The following APBA2 variants were observed in gnomAD, a reference collection of about 807,000 sequenced individuals.
APBA2 encodes the protein amyloid-beta A4 precursor protein-binding family A member 2.
APBA2 carries 30 observed loss-of-function variants against 75.0 expected under a neutral mutation model. The observed-to-expected ratio is 0.40, with a 90% CI of 0.30 to 0.54. The LOEUF (loss-of-function observed/expected upper bound fraction) is 0.54, where lower values mean the gene tolerates loss of function less well. APBA2 is among the 20% of genes least tolerant of loss of function. APBA2 has a pLI of 0.49. For missense variants in APBA2, 801 were observed against 1,016.1 expected, an observed-to-expected ratio of 0.79 and a Z score of 2.88; for synonymous variants, 444 against 409.6, an observed-to-expected ratio of 1.08 and a Z score of -1.01.
chr15:29,108,630 T>A, intron 13 of APBA2: 1 of 614,520 alleles, frequency 1.6e-6, no homozygotes, highest in Middle Eastern at 4.0e-4. Context: ...TTTCCCAGGC[T>A]CCCTTGTCCC....
Position 29,117,310 on chromosome 15 carries a change from A to ATGTC in APBA2, c.*179_*182dup, listed in dbSNP as rs1338965163. The ATGTC allele has an allele frequency of 3.2e-6, 2 of 623,908 alleles. No homozygotes were observed. Among genetic ancestry groups the ATGTC allele is most frequent in the African/African-American group, 1.8e-5 (1 of 54,304 alleles). The allele number at this position is 623,908 out of a possible 1,614,324, so 38.6% of individuals were successfully genotyped here. On this transcript the variant is annotated 3_prime_UTR_variant, in exon 15 of 15. Coordinates refer to ENST00000683413, the MANE Select transcript of APBA2 (RefSeq NM_001353788.2). ...TTTTTTCATTTTGCCAAAAAGGGGT[A>ATGTC]TGTCTTTATCAAAGGAGAGTCACAG...
intron 3 of APBA2, among the ~76,000 whole-genome samples, chr15:29,006,175 A>C (rs146259677): frequency 0.013 from 2,056 of 152,338 alleles, 21 homozygotes; most frequent in Non-Finnish European, 0.019. Context: ...GGTCTTATGC[A>C]ATATGTAGAA....
At chr15:28,929,492 A>G (rs760619459) in intron 2 of APBA2, among the ~76,000 whole-genome samples, 2 of 152,166 alleles carry the variant, frequency 1.3e-5, no homozygotes, top group African/African-American at 4.8e-5. Flanking sequence ...CTTCCCGCCT[A>G]TCACTGGGAG....
At chr15:28,948,356 C>A (rs907629981) in intron 2 of APBA2, among the ~76,000 whole-genome samples, 1 of 150,908 alleles carries the variant, frequency 6.6e-6, no homozygotes, top group Non-Finnish European at 1.5e-5. Flanking sequence ...TCCCTTTGGC[C>A]ACTGGTGAGT....
intron 6 of APBA2, among the ~76,000 whole-genome samples, chr15:29,085,252 G>T (rs373422105): frequency 6.6e-6 from 1 of 152,054 alleles, no homozygotes; most frequent in African/African-American, 2.4e-5. Context: ...TTGGCTGGGC[G>T]CAGTGGCTCA....
In APBA2 at chr15:29,054,039, G is replaced by T. The variant is rs117098828; in HGVS notation, c.155G>T (p.Arg52Leu). ...GAGGGCCTGGAGCTGGCTGCCCTGC[G>T]GCCAGAGAGCCCCGCGCCAGAGGAA... ...VPEGLELAALRPESPAPEEQE... is the reference protein window; with the variant it reads ...VPEGLELAALLPESPAPEEQE... Residue 52 changes from arginine (R) to leucine (L), a missense_variant, in exon 4 of 15, where the codon CGG (arginine) becomes CTG (leucine). Around this residue, in one of 2 missense-constraint regions of APBA2, gnomAD observed 434 missense variants for 471.6 expected, o/e 0.92. Transcript: ENST00000683413. The surrounding 1 kb of genome is among the most constrained non-coding windows in gnomAD (Gnocchi z 6.1). 1.2e-6 allele frequency: 2 copies of T among 1,613,698 alleles called. No homozygotes were observed. Among genetic ancestry groups the T allele is most frequent in the Non-Finnish European group, 1.7e-6 (2 of 1,180,038 alleles).
chr15:28,920,399 C>G (rs2033912113), intron 1 of APBA2, among the ~76,000 whole-genome samples: 1 of 152,188 alleles, frequency 6.6e-6, no homozygotes, highest in Non-Finnish European at 1.5e-5. Context: ...CTTTGCATGC[C>G]ATGACTTGGA....
At chr15:28,945,529 T>C (rs2035497137) in intron 2 of APBA2, among the ~76,000 whole-genome samples, 1 of 151,890 alleles carries the variant, frequency 6.6e-6, no homozygotes, top group African/African-American at 2.4e-5. Context: ...TGATTTTTTT[T>C]TTTTTTTTGA....
chr15:28,938,192 G>A (rs369826553), intron 2 of APBA2, among the ~76,000 whole-genome samples: 8 of 152,248 alleles, frequency 5.3e-5, no homozygotes, highest in African/African-American at 1.7e-4. Context: ...CTGGATCTCA[G>A]CAATTTCATG....
chr15:29,065,919 G>A (rs1408356428), intron 4 of APBA2, among the ~76,000 whole-genome samples: 3 of 152,164 alleles, frequency 2.0e-5, no homozygotes, highest in Non-Finnish European at 4.4e-5. Flanking sequence ...GTGCAGGTTC[G>A]GGAGCCCGAG....
At chr15:29,106,462 C>A in intron 11 of APBA2, 145 bp from the exon 12 acceptor site, 1 of 925,632 alleles carries the variant, frequency 1.1e-6, no homozygotes, top group Non-Finnish European at 1.7e-6. Context: ...AGCCCAAGAC[C>A]TCTCCTGGCT....
intron 2 of APBA2, among the ~76,000 whole-genome samples, chr15:28,950,486 G>A (rs925640199): frequency 6.6e-6 from 1 of 152,074 alleles, no homozygotes; most frequent in African/African-American, 2.4e-5. Flanking sequence ...AATTAGCCAG[G>A]CGTGGTGGTG....
At chr15:29,097,348 G>A (rs944422509) in intron 8 of APBA2, among the ~76,000 whole-genome samples, 3 of 152,242 alleles carry the variant, frequency 2.0e-5, no homozygotes, top group Non-Finnish European at 4.4e-5. Flanking sequence ...GCCCCATCTC[G>A]GTCAAGCTCC....
At chr15:28,892,777 C>G (rs2032223375) in intron 1 of APBA2, among the ~76,000 whole-genome samples, 1 of 152,092 alleles carries the variant, frequency 6.6e-6, no homozygotes, top group South Asian at 2.1e-4. Context: ...ATGAATTCCT[C>G]CGAACTGTTG....
At chr15:29,107,387 C>T (rs1010526400) in intron 12 of APBA2, among the ~76,000 whole-genome samples, 16 of 152,254 alleles carry the variant, frequency 1.1e-4, no homozygotes, top group African/African-American at 2.6e-4. Context: ...TGGCCGCCTG[C>T]GAAGGAATGG....
chr15:29,062,704 C>T (rs1295361747), intron 4 of APBA2, among the ~76,000 whole-genome samples: 1 of 152,302 alleles, frequency 6.6e-6, no homozygotes. Context: ...AGCTCTCCCA[C>T]TACCACTAAT....
intron 6 of APBA2, among the ~76,000 whole-genome samples, chr15:29,086,096 C>A (rs1352011782): frequency 2.0e-5 from 3 of 152,206 alleles, no homozygotes; most frequent in African/African-American, 7.2e-5. Context: ...CTTGTCCTTT[C>A]TTGTTCTCTC....
At chr15:28,970,780 A>T (rs1379708864) in intron 2 of APBA2, among the ~76,000 whole-genome samples, 1 of 151,746 alleles carries the variant, frequency 6.6e-6, no homozygotes, top group Non-Finnish European at 1.5e-5. Context: ...AAAAAATAAA[A>T]GCAACAACAA....
At chr15:29,097,679 A>G (rs2043918414) in intron 8 of APBA2, among the ~76,000 whole-genome samples, 1 of 152,214 alleles carries the variant, frequency 6.6e-6, no homozygotes, top group African/African-American at 2.4e-5. Context: ...AGAACACTTC[A>G]TTCACTATCT....
Sources: gnomAD v4.1 joint callset for allele counts (sites outside exome capture counted in the v4.1 genomes callset) on GRCh38, gnomAD v4.1.1 for gene constraint, gnomAD v4.1.1 regional missense constraint, Gnocchi (gnomAD v3.1) non-coding constraint, MANE v1.5 for transcripts, NCBI Gene and HGNC (gene_info 2026-07-23, HGNC 2026-07-21) for gene names.